HAPSTR1: variants seen among roughly 807,000 people sequenced by gnomAD.
HAPSTR1 encodes HUWE1 associated protein modifying stress responses, also known as HUWE1-associated protein modifying stress responses 1.
the HAPSTR1 span, chr16:9,103,693 C>G: frequency 6.2e-6 from 1 of 161,604 alleles, no homozygotes; most frequent in Non-Finnish European, 1.4e-5. Context: ...CCCTTGACAC[C>G]TTTCTTACTT....
chr16:9,097,052 G>T, the HAPSTR1 span, among the ~76,000 whole-genome samples: 1 of 151,468 alleles, frequency 6.6e-6, no homozygotes, highest in African/African-American at 2.4e-5. Context: ...CGATTCTCCT[G>T]CCTCAGCCTC....
chr16:9,116,675 T>G, the HAPSTR1 span: 1 of 1,613,646 alleles, frequency 6.2e-7, no homozygotes, highest in Non-Finnish European at 8.5e-7. Flanking sequence ...TAGGTCTTAG[T>G]GGTGCAATGG....
At chr16:9,098,486 G>A in the HAPSTR1 span, among the ~76,000 whole-genome samples, 2 of 152,174 alleles carry the variant, frequency 1.3e-5, no homozygotes, top group African/African-American at 4.8e-5. Context: ...TATTTTGGCT[G>A]TGACTTAGAT....
the HAPSTR1 span, chr16:9,110,072 A>T: frequency 2.0e-5 from 3 of 152,076 alleles, no homozygotes; most frequent in South Asian, 2.1e-4. Context: ...ATTATAGTAG[A>T]CAGTGAAGTA....
the HAPSTR1 span, among the ~76,000 whole-genome samples, chr16:9,093,358 C>G: frequency 6.6e-6 from 1 of 152,156 alleles, no homozygotes; most frequent in East Asian, 1.9e-4. Context: ...CAGTAGTGCT[C>G]AGGTTGAGAA....
At chr16:9,105,763 G>A in the HAPSTR1 span, 12 of 152,208 alleles carry the variant, frequency 7.9e-5, no homozygotes, top group South Asian at 2.1e-4. Flanking sequence ...TACATTGTGG[G>A]TGAGTCTAAA....
chr16:9,099,764 A>G, the HAPSTR1 span, among the ~76,000 whole-genome samples: 1 of 152,134 alleles, frequency 6.6e-6, no homozygotes, highest in Admixed American at 6.6e-5. Flanking sequence ...GTGTGTGTGT[A>G]TGAGATTATC....
the HAPSTR1 span, chr16:9,106,267 A>G: frequency 6.6e-6 from 1 of 151,552 alleles, no homozygotes; most frequent in African/African-American, 2.4e-5. Flanking sequence ...AAAGTAAGGC[A>G]TATCAATTTA....
chr16:9,113,391 A>G, the HAPSTR1 span, among the ~76,000 whole-genome samples: 1 of 152,206 alleles, frequency 6.6e-6, no homozygotes, highest in Non-Finnish European at 1.5e-5. Context: ...TTTCAGATTG[A>G]CCAAATTGAT....
the HAPSTR1 span, chr16:9,118,689 C>T: frequency 1.3e-5 from 2 of 152,340 alleles, no homozygotes; most frequent in South Asian, 4.1e-4. Flanking sequence ...TACTTTCAAG[C>T]TTCCCTTTGG....
At chr16:9,097,059 C>A in the HAPSTR1 span, among the ~76,000 whole-genome samples, 1 of 152,168 alleles carries the variant, frequency 6.6e-6, no homozygotes, top group East Asian at 1.9e-4. Flanking sequence ...CCTGCCTCAG[C>A]CTCCCCAGTA....
chr16:9,112,155 G>C, the HAPSTR1 span: 3 of 152,110 alleles, frequency 2.0e-5, no homozygotes, highest in African/African-American at 7.2e-5. Context: ...CTTCCTAGTA[G>C]AATTCCTTTT....
chr16:9,099,973 G>T, the HAPSTR1 span, among the ~76,000 whole-genome samples: 4 of 152,174 alleles, frequency 2.6e-5, no homozygotes, highest in South Asian at 8.3e-4. Context: ...ACTGAGGTTG[G>T]GTTTGAGTGG....
chr16:9,093,665 A>T, the HAPSTR1 span, among the ~76,000 whole-genome samples: 1 of 152,128 alleles, frequency 6.6e-6, no homozygotes, highest in African/African-American at 2.4e-5. Context: ...AATTCTGTTG[A>T]GAGTTTTGAG....
At chr16:9,097,608 C>T in the HAPSTR1 span, among the ~76,000 whole-genome samples, 1 of 152,192 alleles carries the variant, frequency 6.6e-6, no homozygotes, top group Non-Finnish European at 1.5e-5. Flanking sequence ...CTGGCTTTAG[C>T]TGTATGGCCA....
chr16:9,118,537 A>T, the HAPSTR1 span: 3 of 152,674 alleles, frequency 2.0e-5, no homozygotes, highest in Admixed American at 6.5e-5. Flanking sequence ...AAAAAAGTGA[A>T]TTCCATACTA....
chr16:9,113,795 TA>T, the HAPSTR1 span, among the ~76,000 whole-genome samples: 3 of 152,154 alleles, frequency 2.0e-5, no homozygotes, highest in African/African-American at 7.2e-5. Context: ...CCCTCAAGTT[TA>T]GTCTTGCGGT....
chr16:9,094,233 C>G, the HAPSTR1 span, among the ~76,000 whole-genome samples: 2 of 152,004 alleles, frequency 1.3e-5, no homozygotes, highest in African/African-American at 4.8e-5. Context: ...TAATAATAGT[C>G]CAGTCTTACT....
chr16:9,092,757 A>C, the HAPSTR1 span, among the ~76,000 whole-genome samples: 5 of 151,910 alleles, frequency 3.3e-5, no homozygotes, highest in East Asian at 1.9e-4. Context: ...CCCGGTCCTC[A>C]CACTGGGTTT....
Sources: allele counts gnomAD v4.1 joint callset (sites outside exome capture counted in the v4.1 genomes callset), GRCh38; gene constraint gnomAD v4.1.1; transcripts MANE v1.5; gene names NCBI Gene and HGNC (gene_info 2026-07-23, HGNC 2026-07-21).